The following DTNA variants were observed in gnomAD, a reference collection of about 807,000 sequenced individuals.
DTNA encodes the protein dystrobrevin alpha.
DTNA carries 43 observed loss-of-function variants against 100.7 expected under a neutral mutation model. The observed-to-expected ratio is 0.43, with a 90% CI of 0.33 to 0.55. The LOEUF is 0.55. Among genes scored for constraint, DTNA ranks in the 20% least tolerant of loss-of-function variants. The probability of loss-of-function intolerance (pLI) is 0.04; values close to 1 mark genes in which losing one functional copy is unlikely to be tolerated. For synonymous variants in DTNA, 349 were observed against 347.9 expected (o/e 1.00, Z -0.04); for missense variants, 798 against 953.9 (o/e 0.84, Z 2.15).
intron 1 of DTNA, chr18:34,557,901 T>A (rs1429881417): frequency 2.0e-5 from 3 of 153,122 alleles, no homozygotes; most frequent in Admixed American, 2.0e-4. Context: ...CTCCACCCAG[T>A]TCTAGCTTCC....
At chr18:34,860,952 C>T (rs1313621339) in intron 16 of DTNA, among the ~76,000 whole-genome samples, 1 of 152,066 alleles carries the variant, frequency 6.6e-6, no homozygotes, top group East Asian at 1.9e-4. Context: ...TTGCAGATAT[C>T]ATACCTTTCA....
intron 20 of DTNA, among the ~76,000 whole-genome samples, chr18:34,881,111 C>A (rs988353269): frequency 1.3e-5 from 2 of 152,190 alleles, no homozygotes; most frequent in South Asian, 2.1e-4. Flanking sequence ...ACCCATTTAG[C>A]CTGGCCCCAA....
chr18:34,594,817 C>T (rs1326988876), intron 1 of DTNA, among the ~76,000 whole-genome samples: 1 of 152,158 alleles, frequency 6.6e-6, no homozygotes, highest in Non-Finnish European at 1.5e-5. Flanking sequence ...TTCCCTCCCT[C>T]TCAGTCCTCC....
intron 15 of DTNA, among the ~76,000 whole-genome samples, chr18:34,854,887 G>A (rs1243174530): frequency 1.3e-5 from 2 of 152,170 alleles, no homozygotes; most frequent in African/African-American, 4.8e-5. Flanking sequence ...TACAAATATA[G>A]TTTCATTTCA....
intron 1 of DTNA, among the ~76,000 whole-genome samples, chr18:34,496,205 A>AACACACACACACACACACAC (rs367764683): frequency 5.6e-4 from 77 of 138,588 alleles, no homozygotes; most frequent in Middle Eastern, 3.7e-3. Context: ...CCCTCCCTGC[A>AACACACACACACACACACAC]ACACACACAC....
At chr18:34,802,117 G>A (rs991065099) in intron 4 of DTNA, among the ~76,000 whole-genome samples, 14 of 152,370 alleles carry the variant, frequency 9.2e-5, no homozygotes, top group African/African-American at 3.1e-4. Flanking sequence ...TTTCATAAAA[G>A]CAAGAGAAGT....
chr18:34,625,465 G>A (rs1350299202), intron 1 of DTNA, among the ~76,000 whole-genome samples: 4 of 152,178 alleles, frequency 2.6e-5, no homozygotes, highest in Admixed American at 1.3e-4. Flanking sequence ...GAGCCACTGC[G>A]CCCGGCCAGG....
chr18:34,721,432 T>C (rs73946152), intron 1 of DTNA, among the ~76,000 whole-genome samples: 2,122 of 152,260 alleles, frequency 0.014, 39 homozygotes, highest in African/African-American at 0.045. Flanking sequence ...TCTCACACAC[T>C]GGATTAAAAG....
At chr18:34,567,675 T>C (rs890413834) in intron 1 of DTNA, among the ~76,000 whole-genome samples, 2 of 152,168 alleles carry the variant, frequency 1.3e-5, no homozygotes, top group Non-Finnish European at 2.9e-5. Context: ...TGCAATGTTA[T>C]AGATCTTAAA....
intron 13 of DTNA, among the ~76,000 whole-genome samples, chr18:34,848,016 T>G (rs1392428660): frequency 6.6e-6 from 1 of 152,268 alleles, no homozygotes; most frequent in African/African-American, 2.4e-5. Context: ...AGAGAAATTC[T>G]TCTGATCAGA....
intron 3 of DTNA, among the ~76,000 whole-genome samples, chr18:34,791,178 A>C (rs990036232): frequency 2.0e-5 from 3 of 152,196 alleles, no homozygotes; most frequent in East Asian, 1.9e-4. Flanking sequence ...CCTATTCCTT[A>C]CAATGGCTCG....
intron 1 of DTNA, among the ~76,000 whole-genome samples, chr18:34,666,425 A>AT (rs1183519668): frequency 6.6e-6 from 1 of 151,842 alleles, no homozygotes; most frequent in Non-Finnish European, 1.5e-5. Context: ...CTTTAGTTTA[A>AT]TTAGATCCCA....
intron 1 of DTNA, among the ~76,000 whole-genome samples, chr18:34,542,755 A>G (rs1012254401): frequency 1.3e-5 from 2 of 152,064 alleles, no homozygotes; most frequent in Non-Finnish European, 2.9e-5. Context: ...ATACCTGTAT[A>G]ATTTTTAAAA....
intron 13 of DTNA, among the ~76,000 whole-genome samples, chr18:34,840,500 G>A (rs1040109616): frequency 3.3e-5 from 5 of 152,058 alleles, no homozygotes; most frequent in Admixed American, 3.3e-4. Context: ...GCACACTCCA[G>A]TTATTTCTAC....
In DTNA at chr18:34,820,808, G is replaced by A; in HGVS notation, c.894G>A (p.Lys298=). The change falls in exon 9 of 23, where the codon AAG becomes AAA. Residue 298 remains lysine (K), a synonymous_variant. Coordinates refer to ENST00000444659, the MANE Select transcript of DTNA (RefSeq NM_001386795.1). ...CTTTCCAGAAATCACCTGCTAAGAA[G>A]CTGACTAATGCATTAAGCAAGTCCC... ...EYTSWKSPAK[K]LTNALSKSLS... 6.2e-7 allele frequency: 1 copy of A among 1,614,084 alleles called. No homozygotes were observed. The highest frequency in any genetic ancestry group is 8.5e-7 in the Non-Finnish European group (1 of 1,180,000).
intron 1 of DTNA, among the ~76,000 whole-genome samples, chr18:34,545,337 G>A (rs2044665425): frequency 2.0e-5 from 3 of 152,038 alleles, no homozygotes; most frequent in African/African-American, 7.2e-5. Context: ...TGCAGTCAGT[G>A]GGGGACAAGG....
At chr18:34,642,273 C>A (rs1479283964) in intron 1 of DTNA, among the ~76,000 whole-genome samples, 1 of 152,118 alleles carries the variant, frequency 6.6e-6, no homozygotes, top group Non-Finnish European at 1.5e-5. Context: ...GGGGTCCCCC[C>A]TTAAAGGTTG....
intron 1 of DTNA, among the ~76,000 whole-genome samples, chr18:34,668,887 A>T (rs920258595): frequency 1.3e-5 from 2 of 152,232 alleles, no homozygotes; most frequent in African/African-American, 4.8e-5. Context: ...TGGTGCTGAG[A>T]AGAAGGTATA....
intron 1 of DTNA, among the ~76,000 whole-genome samples, chr18:34,642,647 C>T (rs904717465): frequency 6.6e-6 from 1 of 152,080 alleles, no homozygotes; most frequent in Non-Finnish European, 1.5e-5. Context: ...CGACCTCCGA[C>T]TCCCTGGTTC....
Sources: gnomAD v4.1 joint callset for allele counts (sites outside exome capture counted in the v4.1 genomes callset) on GRCh38, gnomAD v4.1.1 for gene constraint, MANE v1.5 for transcripts, NCBI Gene and HGNC (gene_info 2026-07-23, HGNC 2026-07-21) for gene names.